The following DLG2 variants were observed in gnomAD, a reference collection of about 807,000 sequenced individuals.
The protein encoded by DLG2 is disks large homolog 2.
DLG2 carries 45 observed loss-of-function variants against 132.5 expected under a neutral mutation model. That is an observed-to-expected ratio of 0.34 (90% CI 0.27 to 0.44). The LOEUF is 0.44. Among genes scored for constraint, DLG2 ranks in the 20% least tolerant of loss-of-function variants. The pLI is 1.00. For synonymous variants in DLG2, 424 were observed against 419.6 expected, an observed-to-expected ratio of 1.01 and a Z score of -0.13; for missense variants, 1,045 against 1,196.9, an observed-to-expected ratio of 0.87 and a Z score of 1.87.
chr11:84,570,152 C>G (rs1251668588), intron 6 of DLG2, among the ~76,000 whole-genome samples: 3 of 152,320 alleles, frequency 2.0e-5, no homozygotes, highest in Non-Finnish European at 2.9e-5. Context: ...CCTTCCAGAA[C>G]TAGTCCCTAC....
At chr11:84,702,340 T>C (rs533132496) in intron 6 of DLG2, among the ~76,000 whole-genome samples, 12 of 151,668 alleles carry the variant, frequency 7.9e-5, no homozygotes, top group Non-Finnish European at 1.5e-4. Flanking sequence ...CTTAGTGCTG[T>C]GTTTCAACTG....
At chr11:85,060,347 T>A (rs1051738922) in intron 6 of DLG2, among the ~76,000 whole-genome samples, 2 of 150,356 alleles carry the variant, frequency 1.3e-5, no homozygotes, top group Non-Finnish European at 3.0e-5. Context: ...CATATATGTA[T>A]ATATAATGTT....
rs769825858 is a variant in DLG2 at position 84,098,927 on chromosome 11, G to T, written c.745C>A (p.Leu249Ile). The T allele has an allele frequency of 1.9e-6, 3 of 1,612,650 alleles. No individual in the cohort carries two copies. Among genetic ancestry groups the T allele is most frequent in the Non-Finnish European group, 1.7e-6 (2 of 1,179,476 alleles). The part of the protein sequence containing the change: ...PGGAAAEDGR[L>I]RVNDCILRVN... ...TCTAATGTTTCAGATCTTTACCTGA[G>T]TCTGCCATCCTCTGCTGCAGCACCT... The change falls in exon 10 of 28, where the codon CTC (leucine) becomes ATC (isoleucine). Residue 249 changes from leucine (L) to isoleucine (I), a missense_variant. Physicochemically the swap from Leu to Ile is conservative, Grantham distance 5. Coordinates refer to ENST00000376104, the MANE Select transcript of DLG2 (RefSeq NM_001142699.3).
chr11:83,989,630 T>A (rs939510503), intron 11 of DLG2, among the ~76,000 whole-genome samples: 2 of 152,194 alleles, frequency 1.3e-5, no homozygotes, highest in Non-Finnish European at 1.5e-5. Context: ...AAAACCAACA[T>A]GTCTTCAGAT....
At chr11:84,904,115 TA>T (rs1164847985) in intron 6 of DLG2, among the ~76,000 whole-genome samples, 4 of 152,132 alleles carry the variant, frequency 2.6e-5, no homozygotes, top group Admixed American at 2.0e-4. Context: ...AATAATTCTT[TA>T]AAATTGGCAT....
intron 6 of DLG2, among the ~76,000 whole-genome samples, chr11:84,977,699 A>G (rs553311870): frequency 1.6e-4 from 25 of 152,316 alleles, no homozygotes; most frequent in African/African-American, 5.8e-4. Flanking sequence ...ATAGATCACA[A>G]TCAGTGACCC....
chr11:84,366,524 G>C (rs2098683582), intron 7 of DLG2, among the ~76,000 whole-genome samples: 1 of 151,950 alleles, frequency 6.6e-6, no homozygotes, highest in South Asian at 2.1e-4. Flanking sequence ...CTGGCAAATT[G>C]GATAGAGTCA....
intron 3 of DLG2, among the ~76,000 whole-genome samples, chr11:85,391,438 A>G (rs1388049351): frequency 6.6e-6 from 1 of 152,130 alleles, no homozygotes; most frequent in Non-Finnish European, 1.5e-5. Flanking sequence ...AAATCATTCT[A>G]TGAAGCCAGT....
At chr11:84,468,308 G>A (rs2099099901) in intron 7 of DLG2, among the ~76,000 whole-genome samples, 1 of 151,512 alleles carries the variant, frequency 6.6e-6, no homozygotes, top group African/African-American at 2.4e-5. Context: ...ACTTCCATGT[G>A]TGTTAATTGG....
chr11:83,881,872 T>C (rs1201332127), intron 15 of DLG2, among the ~76,000 whole-genome samples: 2 of 152,204 alleles, frequency 1.3e-5, no homozygotes, highest in African/African-American at 2.4e-5. Flanking sequence ...AAAAAAGCCT[T>C]GTCTCTATCA....
chr11:84,827,011 A>G (rs1213750982), intron 6 of DLG2, among the ~76,000 whole-genome samples: 1 of 151,750 alleles, frequency 6.6e-6, no homozygotes, highest in East Asian at 2.0e-4. Flanking sequence ...AACAAAACTC[A>G]ATTTTTTTAC....
chr11:83,488,917 CAA>C (rs2093681232), intron 21 of DLG2, among the ~76,000 whole-genome samples: 1 of 151,874 alleles, frequency 6.6e-6, no homozygotes, highest in Non-Finnish European at 1.5e-5. Context: ...AATAATGTAA[CAA>C]AGAGGGGTTA....
intron 3 of DLG2, among the ~76,000 whole-genome samples, chr11:85,470,194 ACC>A (rs2092936731): frequency 6.6e-6 from 1 of 151,756 alleles, no homozygotes. Flanking sequence ...AGACATGAAA[ACC>A]AAATTAATCT....
chr11:84,077,355 A>G (rs1453983086), intron 10 of DLG2, among the ~76,000 whole-genome samples: 4 of 152,136 alleles, frequency 2.6e-5, no homozygotes, highest in Non-Finnish European at 5.9e-5. Flanking sequence ...ATCTAATGAG[A>G]TCTCGTTAGT....
chr11:84,760,142 A>G (rs950131070), intron 6 of DLG2, among the ~76,000 whole-genome samples: 1 of 152,194 alleles, frequency 6.6e-6, no homozygotes, highest in Non-Finnish European at 1.5e-5. Flanking sequence ...TCTCTTCCCA[A>G]AGGATTTAGA....
intron 11 of DLG2, among the ~76,000 whole-genome samples, chr11:83,991,479 C>G (rs1370458195): frequency 1.3e-5 from 2 of 152,146 alleles, no homozygotes; most frequent in African/African-American, 4.8e-5. Flanking sequence ...CATTATTTCT[C>G]TTTTGTAAAA....
At chr11:85,050,154 A>ACACACACACACACG (rs1259116135) in intron 6 of DLG2, among the ~76,000 whole-genome samples, 3 of 150,156 alleles carry the variant, frequency 2.0e-5, no homozygotes, top group Non-Finnish European at 3.0e-5. Context: ...ACACACACAC[A>ACACACACACACACG]CTGCACACAT....
chr11:85,009,932 G>A (rs2059007218), intron 6 of DLG2, among the ~76,000 whole-genome samples: 1 of 152,078 alleles, frequency 6.6e-6, no homozygotes, highest in African/African-American at 2.4e-5. Flanking sequence ...CATGGTTCCT[G>A]AAGACATCCT....
chr11:84,286,815 G>C (rs897665987), intron 7 of DLG2, among the ~76,000 whole-genome samples: 4 of 152,170 alleles, frequency 2.6e-5, no homozygotes, highest in Non-Finnish European at 4.4e-5. Context: ...GGTGGGCTTT[G>C]TAATGTTAGA....
Sources: gnomAD v4.1 joint callset for allele counts (sites outside exome capture counted in the v4.1 genomes callset) on GRCh38, gnomAD v4.1.1 for gene constraint, MANE v1.5 for transcripts, NCBI Gene and HGNC (gene_info 2026-07-23, HGNC 2026-07-21) for gene names.